STK32B: variants seen among roughly 807,000 people sequenced by gnomAD.
STK32B encodes the protein serine/threonine-protein kinase 32B.
STK32B carries 43 observed loss-of-function variants against 52.6 expected under a neutral mutation model. The ratio of observed to expected loss-of-function variants is 0.82; its 90% CI spans 0.64 to 1.05. The LOEUF (loss-of-function observed/expected upper bound fraction) is 1.05. Among genes scored for constraint, STK32B ranks in the 50% least tolerant of loss-of-function variants. The probability of loss-of-function intolerance (pLI) is 0.00; values close to 1 mark genes in which losing one functional copy is unlikely to be tolerated. For missense variants in STK32B, 621 were observed against 534.6 expected (o/e 1.16, Z -1.59); for synonymous variants, 238 against 204.3 (o/e 1.17, Z -1.41).
intron 1 of STK32B, among the ~76,000 whole-genome samples, chr4:5,062,131 C>T (rs532450328): frequency 1.6e-4 from 24 of 152,332 alleles, no homozygotes; most frequent in African/African-American, 5.5e-4. Context: ...AAGGTAAGCT[C>T]TCCCTAATCC....
At chr4:5,201,346 A>G (rs1386315490) in intron 3 of STK32B, among the ~76,000 whole-genome samples, 2 of 152,192 alleles carry the variant, frequency 1.3e-5, no homozygotes, top group African/African-American at 4.8e-5. Context: ...TCAGCCCTGC[A>G]GGTTTCCATG....
chr4:5,496,650 C>T (rs552357807), intron 11 of STK32B, among the ~76,000 whole-genome samples: 22 of 152,244 alleles, frequency 1.4e-4, no homozygotes, highest in Admixed American at 1.0e-3. Context: ...GCGTCGCTCA[C>T]ACTGGGAGCT....
chr4:5,213,949 A>G (rs1242771293), intron 3 of STK32B, among the ~76,000 whole-genome samples: 3 of 152,202 alleles, frequency 2.0e-5, no homozygotes, highest in Non-Finnish European at 4.4e-5. Context: ...TCGCAGTGAT[A>G]TTTTCCTAAA....
chr4:5,457,094 C>T (rs758434298), intron 8 of STK32B, among the ~76,000 whole-genome samples, 171 bp downstream of exon 8: 5 of 151,966 alleles, frequency 3.3e-5, no homozygotes, highest in Admixed American at 1.3e-4. Context: ...TATGGGGGTG[C>T]GTGCAGATCA....
At chr4:5,481,531 G>C (rs1177978697) in intron 11 of STK32B, among the ~76,000 whole-genome samples, 1 of 152,066 alleles carries the variant, frequency 6.6e-6, no homozygotes, top group East Asian at 1.9e-4. Flanking sequence ...CCATTCTCTA[G>C]GTTGCCTGTT....
At chr4:5,320,145 C>T (rs1731391850) in intron 3 of STK32B, among the ~76,000 whole-genome samples, 1 of 152,136 alleles carries the variant, frequency 6.6e-6, no homozygotes, top group African/African-American at 2.4e-5. Context: ...TGATAGGTCC[C>T]TCCCCTATGT....
At chr4:5,276,309 A>G (rs1358450095) in intron 3 of STK32B, among the ~76,000 whole-genome samples, 3 of 152,016 alleles carry the variant, frequency 2.0e-5, no homozygotes, top group African/African-American at 7.2e-5. Context: ...AAAAAAATTC[A>G]TTTAACCAGG....
At chr4:5,268,722 C>T (rs556167884) in intron 3 of STK32B, among the ~76,000 whole-genome samples, 3 of 152,176 alleles carry the variant, frequency 2.0e-5, no homozygotes, top group South Asian at 2.1e-4. Context: ...GCACATGCCA[C>T]GGTTGTCAAT....
At chr4:5,457,022 T>C in intron 8 of STK32B, 99 bp downstream of exon 8, 1 of 861,742 alleles carries the variant, frequency 1.2e-6, no homozygotes, top group Non-Finnish European at 1.7e-6. Flanking sequence ...AATGGCATAC[T>C]CGGGGTAGAG....
At chr4:5,257,351 G>T (rs1156566809) in intron 3 of STK32B, among the ~76,000 whole-genome samples, 1 of 152,152 alleles carries the variant, frequency 6.6e-6, no homozygotes, top group Non-Finnish European at 1.5e-5. Context: ...AAGTAAGTGG[G>T]TGAGTGAATG....
chr4:5,401,302 C>A (rs1354180956), intron 5 of STK32B, among the ~76,000 whole-genome samples: 1 of 152,160 alleles, frequency 6.6e-6, no homozygotes, highest in African/African-American at 2.4e-5. Flanking sequence ...AAACCTTTTA[C>A]AAACCAATAA....
intron 4 of STK32B, among the ~76,000 whole-genome samples, chr4:5,367,309 A>G (rs541635266): frequency 4.6e-5 from 7 of 152,264 alleles, no homozygotes; most frequent in African/African-American, 1.4e-4. Flanking sequence ...AGAAGAGGAA[A>G]GATGCTTAAA....
At chr4:5,245,256 G>T (rs1725354885) in intron 3 of STK32B, among the ~76,000 whole-genome samples, 1 of 152,154 alleles carries the variant, frequency 6.6e-6, no homozygotes, top group Non-Finnish European at 1.5e-5. Context: ...ATGAATCTGG[G>T]TGCTCCTGTA....
chr4:5,339,696 A>G (rs1446976126), intron 4 of STK32B, among the ~76,000 whole-genome samples: 1 of 152,210 alleles, frequency 6.6e-6, no homozygotes, highest in East Asian at 1.9e-4. Context: ...AAGGATATTT[A>G]TCTTCCATCT....
chr4:5,019,473 G>T, the STK32B span: 7 of 1,439,446 alleles, frequency 4.9e-6, no homozygotes, highest in South Asian at 1.4e-5. Flanking sequence ...CAGCCTCGCC[G>T]ACCGCCCCTT....
In STK32B at chr4:5,399,613, C is replaced by T. The variant is rs1248203933; in HGVS notation, c.472+1369C>T. ...GGAAAGGAAGCGAAAGCAACGTCTC[C>T]AGTTTGTATCTAAAAGTCAGGATCT... On this transcript the variant is annotated intron_variant, in intron 5 of 11. Coordinates refer to ENST00000282908, the MANE Select transcript of STK32B (RefSeq NM_018401.3). The surrounding 1 kb of genome is among the most constrained non-coding windows in gnomAD (Gnocchi z 5.4). Among the ~76,000 whole-genome samples, 1 of 152,136 alleles carries T rather than the reference C, an allele frequency of 6.6e-6. No homozygotes were observed. Among genetic ancestry groups the T allele is most frequent in the Non-Finnish European group, 1.5e-5 (1 of 68,018 alleles).
chr4:5,490,604 T>C (rs1032219612), intron 11 of STK32B, among the ~76,000 whole-genome samples: 5 of 152,134 alleles, frequency 3.3e-5, no homozygotes, highest in Admixed American at 6.5e-5. Flanking sequence ...CTTTAAGTTT[T>C]AGGGTACATG....
intron 5 of STK32B, among the ~76,000 whole-genome samples, chr4:5,409,727 C>G (rs141558802): frequency 6.6e-6 from 1 of 152,032 alleles, no homozygotes; most frequent in Non-Finnish European, 1.5e-5. Context: ...CAGTAAAGCC[C>G]AGAAATGTTG....
intron 3 of STK32B, among the ~76,000 whole-genome samples, chr4:5,239,140 C>T (rs75828676): frequency 0.019 from 2,943 of 152,082 alleles, 87 homozygotes; most frequent in African/African-American, 0.066. Flanking sequence ...CTGGTGTTAC[C>T]GGAGCACAGT....
Sources: allele counts gnomAD v4.1 joint callset (sites outside exome capture counted in the v4.1 genomes callset), GRCh38; gene constraint gnomAD v4.1.1; non-coding constraint Gnocchi (gnomAD v3.1); transcripts MANE v1.5; gene names NCBI Gene and HGNC (gene_info 2026-07-23, HGNC 2026-07-21).